Variants in ARHGAP32 observed in about 807,000 individuals in gnomAD.
ARHGAP32 encodes the protein Rho GTPase activating protein 32.
Under a neutral mutation model 186.5 loss-of-function variants are expected in ARHGAP32, and 51 were observed. That is an observed-to-expected ratio of 0.27 (90% CI 0.22 to 0.35). The LOEUF is 0.35. Ranked by LOEUF, ARHGAP32 falls within the 10% of genes least tolerant of loss-of-function variation. The pLI is 1.00. For synonymous variants in ARHGAP32, 950 were observed against 964.3 expected, an observed-to-expected ratio of 0.99 and a Z score of 0.27; for missense variants, 2,186 against 2,623.5, an observed-to-expected ratio of 0.83 and a Z score of 3.64.
At chr11:129,133,022 A>G (rs1350494039) in intron 2 of ARHGAP32, among the ~76,000 whole-genome samples, 1 of 152,220 alleles carries the variant, frequency 6.6e-6, no homozygotes, top group African/African-American at 2.4e-5. Context: ...ACGATTCCAC[A>G]GGCTGTGTAG....
Position 128,973,065 on chromosome 11 carries a change from G to A in ARHGAP32, c.3441C>T (p.Ser1147=). The A allele has an allele frequency of 6.2e-7, 1 of 1,614,120 alleles. No individual in the cohort carries two copies. Among genetic ancestry groups the A allele is most frequent in the Non-Finnish European group, 8.5e-7 (1 of 1,180,034 alleles). ...ETTATGDPTH[S]NTTESGEQHH... is the part of the protein sequence containing the mutation. ...GTTGCTCCCCAGATTCAGTTGTGTTGGAATGGGTAGGATCCCCAGTAGCTG... is the reference window on the plus strand; with the variant it reads ...GTTGCTCCCCAGATTCAGTTGTGTTAGAATGGGTAGGATCCCCAGTAGCTG... The change falls in exon 22 of 23, where the codon TCC becomes TCT. Residue 1147 remains serine, a synonymous_variant. Coordinates refer to ENST00000682385, the MANE Select transcript of ARHGAP32 (RefSeq NM_001378024.1).
chr11:129,009,138 A>G (rs376042865), intron 11 of ARHGAP32, among the ~76,000 whole-genome samples: 4 of 152,352 alleles, frequency 2.6e-5, no homozygotes, highest in South Asian at 4.1e-4. Flanking sequence ...TGGAAAGAGT[A>G]TGTCATAATT....
intron 2 of ARHGAP32, among the ~76,000 whole-genome samples, chr11:129,143,625 AAGC>A (rs1943109486): frequency 3.4e-5 from 4 of 118,156 alleles, no homozygotes; most frequent in African/African-American, 2.9e-5. Context: ...AATAGCCCCA[AAGC>A]ACAAGAGGAG....
At chr11:128,975,745 T>C (rs1332280264) in intron 20 of ARHGAP32, among the ~76,000 whole-genome samples, 5 of 152,090 alleles carry the variant, frequency 3.3e-5, no homozygotes, top group Non-Finnish European at 7.4e-5. Context: ...GCAGAAACTA[T>C]CTTAATAAAT....
At chr11:129,266,426 G>C (rs751159235) in intron 1 of ARHGAP32, among the ~76,000 whole-genome samples, 2 of 152,086 alleles carry the variant, frequency 1.3e-5, no homozygotes, top group Non-Finnish European at 2.9e-5. Flanking sequence ...GCACCCTGGG[G>C]TAAATAGGTC....
intron 11 of ARHGAP32, among the ~76,000 whole-genome samples, chr11:129,015,988 T>C (rs572901659): frequency 1.3e-5 from 2 of 152,340 alleles, no homozygotes; most frequent in South Asian, 4.1e-4. Flanking sequence ...GCTAAAATAT[T>C]ATCTAAAATG....
chr11:129,149,478 C>T (rs1368164465), intron 2 of ARHGAP32, among the ~76,000 whole-genome samples: 3 of 152,134 alleles, frequency 2.0e-5, no homozygotes, highest in Non-Finnish European at 4.4e-5. Flanking sequence ...GCAGACATTC[C>T]CTAGCACCAG....
chr11:129,141,152 A>T (rs1359379105), intron 2 of ARHGAP32, among the ~76,000 whole-genome samples: 1 of 152,230 alleles, frequency 6.6e-6, no homozygotes, highest in African/African-American at 2.4e-5. Context: ...TAATTATTTT[A>T]AAAATCATAT....
At chr11:129,138,955 C>G (rs1942992286) in intron 2 of ARHGAP32, among the ~76,000 whole-genome samples, 1 of 152,056 alleles carries the variant, frequency 6.6e-6, no homozygotes, top group Admixed American at 6.6e-5. Flanking sequence ...GGATTTTTAT[C>G]ACAAAACCTA....
intron 5 of ARHGAP32, among the ~76,000 whole-genome samples, chr11:129,094,177 G>A (rs1028042367): frequency 1.3e-5 from 2 of 151,888 alleles, no homozygotes; most frequent in Non-Finnish European, 2.9e-5. Flanking sequence ...AGCACAACAA[G>A]GTGACTATAG....
At chr11:129,147,953 A>G (rs1397596196) in intron 2 of ARHGAP32, among the ~76,000 whole-genome samples, 5 of 152,236 alleles carry the variant, frequency 3.3e-5, no homozygotes, top group Admixed American at 3.3e-4. Flanking sequence ...GATTAATACA[A>G]TAAGGAAAGC....
At chr11:129,040,641 C>T (rs1939554685) in intron 11 of ARHGAP32, among the ~76,000 whole-genome samples, 1 of 152,056 alleles carries the variant, frequency 6.6e-6, no homozygotes, top group African/African-American at 2.4e-5. Flanking sequence ...TTTTTTAAAT[C>T]ATTTTATTCA....
At position 128,968,979 on chromosome 11, in the gene ARHGAP32, C is replaced by G. The variant is rs145706821; in HGVS notation, c.6234G>C (p.Ala2078=). 14 of 1,591,740 alleles carry G rather than the reference C, an allele frequency of 8.8e-6. No individual in the cohort carries two copies. Among genetic ancestry groups the G allele is most frequent in the Admixed American group, 1.7e-5 (1 of 58,948 alleles). ...CGGGCAGGAAGGCCCCTTGACCCAA[C>G]GCTGTAGCATAGGTCCTGCTCTGTG... ...PHPQSRTYAT[A]LGQGAFLPAE... is the part of the protein sequence containing the mutation. The change falls in exon 23 of 23, where the codon GCG becomes GCC. Residue 2078 remains alanine, a synonymous_variant. Coordinates refer to ENST00000682385, the MANE Select transcript of ARHGAP32 (RefSeq NM_001378024.1).
intron 1 of ARHGAP32, among the ~76,000 whole-genome samples, chr11:129,269,250 G>A (rs1038230750): frequency 6.6e-6 from 1 of 152,022 alleles, no homozygotes; most frequent in East Asian, 1.9e-4. Context: ...CAGCCTGGGT[G>A]ACAAAATGAG....
chr11:129,141,323 G>T (rs888902556), intron 2 of ARHGAP32, among the ~76,000 whole-genome samples: 1 of 150,700 alleles, frequency 6.6e-6, no homozygotes, highest in Non-Finnish European at 1.5e-5. Flanking sequence ...CCTTTGTAGC[G>T]ACATGGATGA....
In ARHGAP32 at chr11:128,975,093, T is replaced by C. The variant is rs1278375646; in HGVS notation, c.2195-91A>G. On this transcript the variant is annotated intron_variant, in intron 20 of 22. Transcript: ENST00000682385. Reference sequence around the variant, plus strand: ...CCTACTCAGCACAGCAGTAACTTACTATCTAGGTGAAGGAAGTGTTACTTC... The same window carrying C: ...CCTACTCAGCACAGCAGTAACTTACCATCTAGGTGAAGGAAGTGTTACTTC... The C allele has an allele frequency of 2.9e-6, 3 of 1,019,820 alleles. No homozygotes were observed. The African/African-American group carries it at 4.8e-5, about 16-fold the overall frequency. The allele number at this position is 1,019,820 out of a possible 1,614,324, so 63.2% of individuals were successfully genotyped here.
At chr11:129,059,138 G>A (rs1439047589) in intron 10 of ARHGAP32, among the ~76,000 whole-genome samples, 2 of 152,180 alleles carry the variant, frequency 1.3e-5, no homozygotes, top group Non-Finnish European at 2.9e-5. Flanking sequence ...TAATCTGAGA[G>A]TGAATGTAAA....
At chr11:129,177,246 G>T (rs1303789132) in intron 1 of ARHGAP32, among the ~76,000 whole-genome samples, 1 of 152,110 alleles carries the variant, frequency 6.6e-6, no homozygotes, top group Non-Finnish European at 1.5e-5. Flanking sequence ...GGAAGAAGTT[G>T]AATCTCTGAA....
chr11:129,072,021 G>A (rs1358302581), intron 6 of ARHGAP32, among the ~76,000 whole-genome samples: 1 of 152,144 alleles, frequency 6.6e-6, no homozygotes, highest in Admixed American at 6.5e-5. Flanking sequence ...CATAGAAGCA[G>A]AGTTGAATGG....
Sources: gnomAD v4.1 joint callset for allele counts (sites outside exome capture counted in the v4.1 genomes callset) on GRCh38, gnomAD v4.1.1 for gene constraint, MANE v1.5 for transcripts, NCBI Gene and HGNC (gene_info 2026-07-23, HGNC 2026-07-21) for gene names.